NTM: variants seen among roughly 807,000 people sequenced by gnomAD.
NTM encodes IgLON family member 2.
In NTM, 13 loss-of-function variants were observed where a neutral mutation model predicts 42.1. The ratio of observed to expected loss-of-function variants is 0.31; its 90% CI spans 0.20 to 0.49. The LOEUF (loss-of-function observed/expected upper bound fraction) is 0.49. Among genes scored for constraint, NTM ranks in the 20% least tolerant of loss-of-function variants. The pLI is 0.99. For synonymous variants in NTM, 187 were observed against 179.2 expected, an observed-to-expected ratio of 1.04 and a Z score of -0.35; for missense variants, 373 against 452.8, an observed-to-expected ratio of 0.82 and a Z score of 1.60.
At position 131,825,081 on chromosome 11, in the gene NTM, G is replaced by A. The variant is rs1054512941; in HGVS notation, c.83-86483G>A. ...CAGGGTGGTTCCTTCTGAGGGCTAT[G>A]AGGGAGAATCTGTTCCAGGCTTCTT... On this transcript the variant is annotated intron_variant, in intron 1 of 8. Coordinates refer to ENST00000683400, the MANE Select transcript of NTM (RefSeq NM_001352005.2). Among the ~76,000 whole-genome samples the A allele has an allele frequency of 3.9e-5, 6 of 152,182 alleles. 1 individual carries two copies. The highest frequency in any genetic ancestry group is 3.3e-4 in the Admixed American group (5 of 15,280).
intron 1 of NTM, among the ~76,000 whole-genome samples, chr11:131,641,143 T>G (rs904369150): frequency 6.6e-6 from 1 of 152,208 alleles, no homozygotes; most frequent in African/African-American, 2.4e-5. Flanking sequence ...AGACTTGCAT[T>G]CTTTACCCAG....
At chr11:132,275,690 T>TTATATATATATGTATATATATATG (rs1555059979) in intron 4 of NTM, among the ~76,000 whole-genome samples, 3 of 100,132 alleles carry the variant, frequency 3.0e-5, no homozygotes, top group Non-Finnish European at 4.6e-5. Flanking sequence ...ACTTGATGTT[T>TTATATATATATGTATATATATATG]TATATATATA....
At chr11:132,276,252 C>T (rs2093723894) in intron 4 of NTM, among the ~76,000 whole-genome samples, 1 of 151,966 alleles carries the variant, frequency 6.6e-6, no homozygotes, top group African/African-American at 2.4e-5. Flanking sequence ...TCGTTAGTCA[C>T]TTAGGTTGGT....
chr11:132,288,215 C>A, intron 4 of NTM, among the ~76,000 whole-genome samples: 1 of 152,122 alleles, frequency 6.6e-6, no homozygotes, highest in East Asian at 1.9e-4. Flanking sequence ...AATAGAAAGC[C>A]AAGTGCCATG....
intron 2 of NTM, among the ~76,000 whole-genome samples, chr11:132,102,669 A>G (rs1165893743): frequency 6.6e-6 from 1 of 152,186 alleles, no homozygotes; most frequent in African/African-American, 2.4e-5. Flanking sequence ...TAGTTTTCTC[A>G]TTGGTCTTCC....
intron 2 of NTM, among the ~76,000 whole-genome samples, chr11:131,964,246 C>G (rs1263874143): frequency 1.3e-5 from 2 of 152,158 alleles, no homozygotes; most frequent in African/African-American, 2.4e-5. Context: ...CCTGAGATGA[C>G]AGTAACATCT....
At chr11:131,587,064 T>C (rs993692624) in intron 1 of NTM, among the ~76,000 whole-genome samples, 1 of 152,222 alleles carries the variant, frequency 6.6e-6, no homozygotes, top group Non-Finnish European at 1.5e-5. Context: ...ACCCAGTCAT[T>C]ACTCCACGTG....
At chr11:131,592,630 T>TAC (rs1214312866) in intron 1 of NTM, among the ~76,000 whole-genome samples, 4 of 127,886 alleles carry the variant, frequency 3.1e-5, no homozygotes, top group African/African-American at 1.2e-4. Flanking sequence ...CCAACACAAA[T>TAC]ACACACACAC....
At chr11:131,891,874 G>T (rs2051398462) in intron 1 of NTM, among the ~76,000 whole-genome samples, 1 of 152,118 alleles carries the variant, frequency 6.6e-6, no homozygotes, top group South Asian at 2.1e-4. Context: ...TCATTCGTCT[G>T]CTCCTGAATC....
At chr11:132,333,280 G>A (rs747888106) in intron 8 of NTM, among the ~76,000 whole-genome samples, 2 of 152,098 alleles carry the variant, frequency 1.3e-5, no homozygotes, top group African/African-American at 2.4e-5. Flanking sequence ...CACAGACAAG[G>A]GCCTTGGTTG....
intron 1 of NTM, among the ~76,000 whole-genome samples, chr11:131,860,475 G>C (rs1303543956): frequency 6.6e-6 from 1 of 152,194 alleles, no homozygotes; most frequent in East Asian, 1.9e-4. Flanking sequence ...AAGCCCAGTA[G>C]AGACTCAGAG....
chr11:131,399,627 A>T (rs1271035216), intron 1 of NTM, among the ~76,000 whole-genome samples: 1 of 152,166 alleles, frequency 6.6e-6, no homozygotes, highest in Non-Finnish European at 1.5e-5. Context: ...CCCTCAGCAC[A>T]CAGAGCCCCT....
At chr11:131,922,909 T>C (rs1400492218) in intron 2 of NTM, among the ~76,000 whole-genome samples, 1 of 152,224 alleles carries the variant, frequency 6.6e-6, no homozygotes, top group African/African-American at 2.4e-5. Context: ...GCCTCGCTCG[T>C]GGGAATGCAG....
At position 132,255,070 on chromosome 11, in the gene NTM, G is replaced by A. The variant is rs577583087; in HGVS notation, c.526+42923G>A. Among the ~76,000 whole-genome samples, 20 of 152,362 alleles carry A rather than the reference G, an allele frequency of 1.3e-4. No homozygotes were observed. The South Asian group carries it at 2.9e-3, about 22-fold the overall frequency. On this transcript the variant is annotated intron_variant, in intron 4 of 8. Transcript: ENST00000683400. ...CAGCCTTGCTTCTAGAACCACATGC[G>A]GAGTTGAGGTTTCTATGCCTGTTGG... is the stretch of plus-strand genomic sequence containing the variant.
intron 1 of NTM, among the ~76,000 whole-genome samples, chr11:131,810,388 T>C (rs1416830275): frequency 1.3e-5 from 2 of 152,210 alleles, no homozygotes; most frequent in Non-Finnish European, 2.9e-5. Flanking sequence ...TTTGTGGCAG[T>C]ACAGCAATAG....
intron 2 of NTM, among the ~76,000 whole-genome samples, chr11:132,077,350 C>A (rs943195323): frequency 6.6e-6 from 1 of 152,202 alleles, no homozygotes; most frequent in African/African-American, 2.4e-5. Context: ...TACTGTGTTT[C>A]CACTTACTGG....
intron 1 of NTM, among the ~76,000 whole-genome samples, chr11:131,661,933 A>G (rs1194917467): frequency 6.6e-6 from 1 of 152,206 alleles, no homozygotes; most frequent in Non-Finnish European, 1.5e-5. Context: ...AATATTGAAC[A>G]TACTCAGTCT....
intron 4 of NTM, among the ~76,000 whole-genome samples, chr11:132,282,323 G>A (rs1175417543): frequency 6.6e-6 from 1 of 152,216 alleles, no homozygotes; most frequent in African/African-American, 2.4e-5. Context: ...CACCAGAGCA[G>A]CTGAGCTAGA....
At chr11:131,648,804 A>G (rs548812496) in intron 1 of NTM, among the ~76,000 whole-genome samples, 1 of 152,358 alleles carries the variant, frequency 6.6e-6, no homozygotes, top group East Asian at 1.9e-4. Context: ...CACTATACTT[A>G]CTAAAGGGTG....
Sources: allele counts gnomAD v4.1 joint callset (sites outside exome capture counted in the v4.1 genomes callset), GRCh38; gene constraint gnomAD v4.1.1; transcripts MANE v1.5; gene names NCBI Gene and HGNC (gene_info 2026-07-23, HGNC 2026-07-21).